ERBB4: variants seen among roughly 807,000 people sequenced by gnomAD.
ERBB4 encodes the protein erb-b2 receptor tyrosine kinase 4.
Under a neutral mutation model 158.0 loss-of-function variants are expected in ERBB4, and 42 were observed. The observed-to-expected ratio is 0.27, with a 90% CI of 0.21 to 0.34. The LOEUF (loss-of-function observed/expected upper bound fraction) is 0.34. Among genes scored for constraint, ERBB4 ranks in the 10% least tolerant of loss-of-function variants. The pLI is 1.00. For synonymous variants in ERBB4, 583 were observed against 558.7 expected, an observed-to-expected ratio of 1.04 and a Z score of -0.61; for missense variants, 1,333 against 1,624.1, an observed-to-expected ratio of 0.82 and a Z score of 3.08.
intron 2 of ERBB4, among the ~76,000 whole-genome samples, chr2:212,069,651 T>C (rs1464218224): frequency 6.6e-6 from 1 of 152,030 alleles, no homozygotes; most frequent in Non-Finnish European, 1.5e-5. Flanking sequence ...GTAGATGAAA[T>C]GATCTTATAT....
chr2:212,313,835 T>C (rs918334952), intron 1 of ERBB4, among the ~76,000 whole-genome samples: 1 of 151,126 alleles, frequency 6.6e-6, no homozygotes, highest in Non-Finnish European at 1.5e-5. Context: ...CACTTGCAAC[T>C]TTCATTAACT....
chr2:211,984,739 A>AT (rs1425397517), intron 2 of ERBB4, among the ~76,000 whole-genome samples: 1 of 151,946 alleles, frequency 6.6e-6, no homozygotes, highest in Non-Finnish European at 1.5e-5. Context: ...AGCATATAAC[A>AT]TTTTTTCTTT....
At chr2:211,805,833 C>G (rs2076600734) in intron 3 of ERBB4, among the ~76,000 whole-genome samples, 1 of 151,278 alleles carries the variant, frequency 6.6e-6, no homozygotes, top group Non-Finnish European at 1.5e-5. Flanking sequence ...AAAGAATAAT[C>G]AATGAAGAAA....
chr2:211,687,485 TTGAC>T (rs1344382755), intron 12 of ERBB4, among the ~76,000 whole-genome samples: 6 of 115,264 alleles, frequency 5.2e-5, no homozygotes, highest in Non-Finnish European at 1.2e-4. Context: ...TTTTGCGAGC[TTGAC>T]TGAAGTTTGT....
At position 211,894,701 on chromosome 2, in the gene ERBB4, A is replaced by G. The variant is rs188401786; in HGVS notation, c.421+52729T>C. Among the ~76,000 whole-genome samples, 115 of 152,260 alleles carry G rather than the reference A, an allele frequency of 7.6e-4. No homozygotes were observed. In the South Asian group the frequency reaches 9.3e-3, roughly 12 times the overall value. On this transcript the variant is annotated intron_variant, in intron 3 of 27. Coordinates refer to ENST00000342788, the MANE Select transcript of ERBB4 (RefSeq NM_005235.3). Reference sequence around the variant, plus strand: ...GATAGGGTGCTGATTGTCTTATTCAATGACACCAAACTGTTGGTGATTCTG... The same window carrying G: ...GATAGGGTGCTGATTGTCTTATTCAGTGACACCAAACTGTTGGTGATTCTG...
intron 1 of ERBB4, among the ~76,000 whole-genome samples, chr2:212,459,444 T>A (rs1391461337): frequency 6.6e-6 from 1 of 151,984 alleles, no homozygotes; most frequent in African/African-American, 2.4e-5. Context: ...TGAAAAAAAT[T>A]GAAGAGGACA....
In ERBB4 at chr2:211,382,534, A is replaced by C. The variant is rs2062590452; in HGVS notation, c.*1081T>G. 1 of 232,878 alleles carries C rather than the reference A, an allele frequency of 4.3e-6. No individual in the cohort carries two copies. The highest frequency in any genetic ancestry group is 2.2e-5 in the African/African-American group (1 of 45,316). The allele number at this position is 232,878 out of a possible 1,614,324, so 14.4% of individuals were successfully genotyped here. ...ACAAATAAAATTACAGCTTAAGTGC[A>C]AACTACATTTCTGAGTATCTGCCAG... is the stretch of plus-strand genomic sequence containing the variant. On this transcript the variant is annotated 3_prime_UTR_variant, in exon 28 of 28. Transcript: ENST00000342788.
At chr2:211,947,839 T>C (rs969869985) in intron 2 of ERBB4, among the ~76,000 whole-genome samples, 6 of 152,326 alleles carry the variant, frequency 3.9e-5, no homozygotes, top group Admixed American at 3.3e-4. Context: ...CAGTTATGAA[T>C]GTGCTTATAC....
intron 4 of ERBB4, among the ~76,000 whole-genome samples, chr2:211,774,417 T>C (rs1266817199): frequency 6.6e-6 from 1 of 152,076 alleles, no homozygotes; most frequent in Non-Finnish European, 1.5e-5. Context: ...CTAGGGCCTG[T>C]AGGCTTGAGT....
chr2:212,372,870 C>A (rs1357366751), intron 1 of ERBB4, among the ~76,000 whole-genome samples: 1 of 152,166 alleles, frequency 6.6e-6, no homozygotes, highest in Non-Finnish European at 1.5e-5. Context: ...TGTTCATGCT[C>A]ATCCCATGCC....
At chr2:212,302,355 C>A (rs1279944217) in intron 1 of ERBB4, among the ~76,000 whole-genome samples, 1 of 151,114 alleles carries the variant, frequency 6.6e-6, no homozygotes, top group Non-Finnish European at 1.5e-5. Context: ...TTGACATAAG[C>A]TATAGAGTAG....
At chr2:212,519,974 CTAATT>C (rs1692062633) in intron 1 of ERBB4, among the ~76,000 whole-genome samples, 2 of 151,798 alleles carry the variant, frequency 1.3e-5, no homozygotes, top group African/African-American at 2.4e-5. Flanking sequence ...GTTAATTATT[CTAATT>C]TAATTATTAT....
In ERBB4 at chr2:212,206,868, A is replaced by G. The variant is rs534668314; in HGVS notation, c.83-81965T>C. Among the ~76,000 whole-genome samples the G allele has an allele frequency of 5.4e-4, 82 of 151,808 alleles. 1 individual carries two copies. Among genetic ancestry groups the G allele is most frequent in the Non-Finnish European group, 9.6e-4 (65 of 67,898 alleles). On this transcript the variant is annotated intron_variant, in intron 1 of 27. Transcript: ENST00000342788. ...CTCCCAAAGTGCTGGGATTACAGGC[A>G]TGAGCCACCGCGCCCGGCCTAGTCT...
At chr2:212,139,743 T>A (rs1056150866) in intron 1 of ERBB4, among the ~76,000 whole-genome samples, 1 of 151,972 alleles carries the variant, frequency 6.6e-6, no homozygotes, top group Non-Finnish European at 1.5e-5. Context: ...TCAAACTAAA[T>A]CACTTACTGT....
At chr2:211,863,061 A>G (rs2078106067) in intron 3 of ERBB4, among the ~76,000 whole-genome samples, 1 of 152,124 alleles carries the variant, frequency 6.6e-6, no homozygotes, top group Non-Finnish European at 1.5e-5. Flanking sequence ...CTCTGTAAAA[A>G]CGCACCAATC....
At chr2:211,820,807 C>T (rs929907452) in intron 3 of ERBB4, among the ~76,000 whole-genome samples, 1 of 151,674 alleles carries the variant, frequency 6.6e-6, no homozygotes, top group Non-Finnish European at 1.5e-5. Context: ...AAACATGACA[C>T]GTCACCTCAA....
chr2:211,976,990 T>A (rs1183941457), intron 2 of ERBB4, among the ~76,000 whole-genome samples: 1 of 152,234 alleles, frequency 6.6e-6, no homozygotes, highest in African/African-American at 2.4e-5. Flanking sequence ...ATAAAAATGT[T>A]AATGACATCT....
chr2:212,220,805 C>T (rs994908676), intron 1 of ERBB4, among the ~76,000 whole-genome samples: 17 of 151,564 alleles, frequency 1.1e-4, no homozygotes, highest in African/African-American at 4.1e-4. Flanking sequence ...TTCATTGTTC[C>T]ATGTACCTCT....
At position 211,550,707 on chromosome 2, in the gene ERBB4, AATATATATATAT is replaced by A. The variant is rs139062710; in HGVS notation, c.2487+11184_2487+11195del. On this transcript the variant is annotated intron_variant, in intron 20 of 27. Coordinates refer to ENST00000342788, the MANE Select transcript of ERBB4 (RefSeq NM_005235.3). ...TTCTTAGAATAAGTATATATATAGG[AATATATATATAT>A]ATATATATATATACACACACACACA... Among the ~76,000 whole-genome samples, 1,163 of 137,140 alleles carry A rather than the reference AATATATATATAT, an allele frequency of 8.5e-3. 16 individuals are homozygous for A. The highest frequency in any genetic ancestry group is 0.029 in the African/African-American group (1,100 of 37,694). 90.0% of individuals were successfully genotyped at this position (137,140 alleles called of 152,430 possible). A position where few individuals can be genotyped will look rare whatever the true frequency, so the allele number is the denominator to read the frequency against.
Sources: allele counts gnomAD v4.1 joint callset (sites outside exome capture counted in the v4.1 genomes callset), GRCh38; gene constraint gnomAD v4.1.1; transcripts MANE v1.5; gene names NCBI Gene and HGNC (gene_info 2026-07-23, HGNC 2026-07-21).